DAG1: variants seen among roughly 807,000 people sequenced by gnomAD.
DAG1 encodes dystroglycan 1 (dystrophin-associated glycoprotein 1).
Under a neutral mutation model 46.1 loss-of-function variants are expected in DAG1, and 8 were observed. The observed-to-expected ratio is 0.17, with a 90% CI of 0.10 to 0.31. The LOEUF (loss-of-function observed/expected upper bound fraction) is 0.31. Ranked by LOEUF, DAG1 falls within the 10% of genes least tolerant of loss-of-function variation. The pLI, the probability that DAG1 is intolerant of heterozygous loss-of-function variation, is 1.00. For missense variants in DAG1, 1,003 were observed against 1,189.9 expected, an observed-to-expected ratio of 0.84 and a Z score of 2.31; for synonymous variants, 495 against 481.8, an observed-to-expected ratio of 1.03 and a Z score of -0.36.
intron 1 of DAG1, among the ~76,000 whole-genome samples, chr3:49,508,436 T>TC (rs1349727775): frequency 6.6e-6 from 1 of 152,114 alleles, no homozygotes; most frequent in African/African-American, 2.4e-5. Context: ...TCTTGCTCTG[T>TC]CACCCAGGCT....
chr3:49,506,562 A>AT (rs979588218), intron 1 of DAG1, among the ~76,000 whole-genome samples: 4 of 151,614 alleles, frequency 2.6e-5, no homozygotes, highest in African/African-American at 4.9e-5. Flanking sequence ...TGACCATGTG[A>AT]TTTTTTTTCT....
rs1363526341 is a variant in DAG1, at chr3:49,532,966, C to T, written c.2455C>T (p.Leu819=). The stretch of plus-strand genomic sequence containing the variant: ...ACCCTCCTCCAGCATGCCACTCATT[C>T]TGCAGGAGGAGAAGGCTCCCCTACC... ...PPPSSSMPLI[L]QEEKAPLPPP... The change falls in exon 3 of 3, where the codon CTG becomes TTG. Residue 819 remains leucine, a synonymous_variant. Coordinates refer to ENST00000308775, the MANE Select transcript of DAG1 (RefSeq NM_004393.6). This position sits in a 1 kb window ranked among gnomAD's most constrained non-coding sequence, Gnocchi z 5.4. The T allele has an allele frequency of 1.2e-6, 2 of 1,614,116 alleles. No homozygotes were observed. The highest frequency in any genetic ancestry group is 1.1e-5 in the South Asian group (1 of 91,074).
intron 2 of DAG1, among the ~76,000 whole-genome samples, chr3:49,522,362 TC>T (rs1191806879): frequency 8.5e-5 from 13 of 152,102 alleles, no homozygotes; most frequent in Non-Finnish European, 1.9e-4. Context: ...AGATGGGCTT[TC>T]ACCATGTTGG....
chr3:49,478,544 T>A (rs1414112924), intron 1 of DAG1, among the ~76,000 whole-genome samples: 9 of 148,626 alleles, frequency 6.1e-5, no homozygotes, highest in East Asian at 1.9e-4. Context: ...TTTTTTTTTT[T>A]TTTTTTTAAA....
intron 1 of DAG1, among the ~76,000 whole-genome samples, chr3:49,495,147 C>G (rs1321390576): frequency 6.6e-6 from 1 of 152,114 alleles, no homozygotes; most frequent in Non-Finnish European, 1.5e-5. Context: ...GATCATCCAG[C>G]CCCCACAGGG....
intron 2 of DAG1, among the ~76,000 whole-genome samples, chr3:49,513,471 T>C (rs2050815668): frequency 6.6e-6 from 1 of 152,170 alleles, no homozygotes; most frequent in Non-Finnish European, 1.5e-5. Context: ...CCGTGACCCG[T>C]AAGCCCCAGG....
At chr3:49,524,689 TG>T (rs2051121102) in intron 2 of DAG1, among the ~76,000 whole-genome samples, 2 of 143,108 alleles carry the variant, frequency 1.4e-5, no homozygotes, top group South Asian at 2.2e-4. Context: ...CTCAAAAAAA[TG>T]TATATTTAAG....
intron 1 of DAG1, among the ~76,000 whole-genome samples, chr3:49,473,009 T>G (rs934586782): frequency 5.8e-4 from 87 of 151,094 alleles, no homozygotes; most frequent in Non-Finnish European, 5.9e-4. Flanking sequence ...TAATCGCAGC[T>G]ACTCGGGAGG....
Position 49,510,674 on chromosome 3 carries a change from A to G in DAG1, c.140A>G (p.Glu47Gly), listed in dbSNP as rs1230460718. 1.2e-6 allele frequency: 2 copies of G among 1,613,980 alleles called. No individual in the cohort carries two copies. The highest frequency in any genetic ancestry group is 8.5e-7 in the Non-Finnish European group (1 of 1,180,018). Residue 47 changes from glutamate (E) to glycine (G), a missense_variant, in exon 2 of 3, where the codon GAG (glutamate) becomes GGG (glycine). Around this residue, in one of 3 missense-constraint regions of DAG1, gnomAD observed 196 missense variants for 239.1 expected, o/e 0.82. Coordinates refer to ENST00000308775, the MANE Select transcript of DAG1 (RefSeq NM_004393.6). ...EAVRDWENQLEASMHSVLSDL... is the reference protein window; with the variant it reads ...EAVRDWENQLGASMHSVLSDL... Reference sequence around the variant, plus strand: ...GTCAGGGACTGGGAAAACCAGCTTGAGGCATCCATGCACTCAGTGCTCTCA... The same window carrying G: ...GTCAGGGACTGGGAAAACCAGCTTGGGGCATCCATGCACTCAGTGCTCTCA...
intron 2 of DAG1, among the ~76,000 whole-genome samples, chr3:49,518,776 A>G (rs1417586630): frequency 1.3e-5 from 2 of 152,260 alleles, no homozygotes; most frequent in Non-Finnish European, 2.9e-5. Context: ...CTTTGACCAG[A>G]CGTGTGAGAA....
intron 1 of DAG1, among the ~76,000 whole-genome samples, chr3:49,484,143 A>G (rs1013194505): frequency 1.3e-5 from 2 of 152,206 alleles, no homozygotes; most frequent in African/African-American, 2.4e-5. Flanking sequence ...GGTTTGTGCT[A>G]CCAGCTGTTG....
Position 49,510,443 on chromosome 3 carries a change from A to G in DAG1, c.-92A>G. ...GGCTCTGTGTGCTCCGGGATGGAGCAGGTGTGCAGAGGGTGAGAACCCAGC... is the reference window on the plus strand; with the variant it reads ...GGCTCTGTGTGCTCCGGGATGGAGCGGGTGTGCAGAGGGTGAGAACCCAGC... On this transcript the variant is annotated 5_prime_UTR_variant, in exon 2 of 3. Transcript: ENST00000308775. 8.3e-7 allele frequency: 1 copy of G among 1,204,300 alleles called. No homozygotes were observed. Among genetic ancestry groups the G allele is most frequent in the Admixed American group, 1.7e-5 (1 of 59,500 alleles). The allele number at this position is 1,204,300 out of a possible 1,614,324, so 74.6% of individuals were successfully genotyped here.
intron 2 of DAG1, among the ~76,000 whole-genome samples, chr3:49,514,901 C>G (rs1288430826): frequency 1.3e-5 from 2 of 151,914 alleles, no homozygotes; most frequent in Middle Eastern, 3.2e-3. Flanking sequence ...GCTCTTTCGT[C>G]CAGGCTGGAA....
intron 2 of DAG1, among the ~76,000 whole-genome samples, chr3:49,526,384 T>C (rs772266443): frequency 6.6e-6 from 1 of 152,192 alleles, no homozygotes; most frequent in Non-Finnish European, 1.5e-5. Context: ...GGGTAAACTT[T>C]ACATGGCTGC....
intron 1 of DAG1, among the ~76,000 whole-genome samples, chr3:49,501,569 T>C (rs1247697193): frequency 6.6e-6 from 1 of 152,198 alleles, no homozygotes; most frequent in East Asian, 1.9e-4. Context: ...CCCAGCACTT[T>C]GGGAGGCCGA....
Position 49,528,275 on chromosome 3 carries a change from A to ATTTTTTTTTTTTTTTTTTTTTTTTTT in DAG1, c.286-2520_286-2495dup, listed in dbSNP as rs147292984. On this transcript the variant is annotated intron_variant, in intron 2 of 2. Transcript: ENST00000308775. ...CAGCCAAAACATTTGAAATAGTGTG[A>ATTTTTTTTTTTTTTTTTTTTTTTTTT]TTTTTTTTTTTTTTTTTTTTTTTTT... Among the ~76,000 whole-genome samples, 33 of 66,632 alleles carry ATTTTTTTTTTTTTTTTTTTTTTTTTT rather than the reference A, an allele frequency of 5.0e-4. 8 individuals are homozygous for ATTTTTTTTTTTTTTTTTTTTTTTTTT. Among genetic ancestry groups the ATTTTTTTTTTTTTTTTTTTTTTTTTT allele is most frequent in the African/African-American group, 6.9e-4 (10 of 14,516 alleles). 43.7% of individuals were successfully genotyped at this position (66,632 alleles called of 152,430 possible).
At chr3:49,488,283 G>A (rs1034052683) in intron 1 of DAG1, among the ~76,000 whole-genome samples, 1 of 152,152 alleles carries the variant, frequency 6.6e-6, no homozygotes, top group African/African-American at 2.4e-5. Flanking sequence ...GAAAGAGTTT[G>A]ACAATACTTA....
intron 2 of DAG1, among the ~76,000 whole-genome samples, chr3:49,527,781 C>T (rs2051224625): frequency 6.6e-6 from 1 of 152,164 alleles, no homozygotes; most frequent in Admixed American, 6.6e-5. Flanking sequence ...ACTGATGGAG[C>T]GCCTAGCCAC....
At chr3:49,475,973 C>T (rs544951398) in intron 1 of DAG1, among the ~76,000 whole-genome samples, 135 of 152,066 alleles carry the variant, frequency 8.9e-4, no homozygotes, top group African/African-American at 3.1e-3. Flanking sequence ...CCTTGGCCTC[C>T]CAAGGTGCTG....
Sources: allele counts gnomAD v4.1 joint callset (sites outside exome capture counted in the v4.1 genomes callset), GRCh38; gene constraint gnomAD v4.1.1; regional missense constraint gnomAD v4.1.1; non-coding constraint Gnocchi (gnomAD v3.1); transcripts MANE v1.5; gene names NCBI Gene and HGNC (gene_info 2026-07-23, HGNC 2026-07-21).